Variants in PCMTD1 observed in about 807,000 individuals in gnomAD.
PCMTD1 encodes the protein protein-L-isoaspartate (D-aspartate) O-methyltransferase domain containing 1, also known as protein-L-isoaspartate O-methyltransferase domain-containing protein 1.
Under a neutral mutation model 37.6 loss-of-function variants are expected in PCMTD1, and 12 were observed. The observed-to-expected ratio is 0.32, with a 90% CI of 0.20 to 0.52. The LOEUF (loss-of-function observed/expected upper bound fraction) is 0.52. PCMTD1 is among the 20% of genes least tolerant of loss of function. PCMTD1 has a pLI of 0.97. For missense variants in PCMTD1, 235 were observed against 421.3 expected (o/e 0.56, Z 3.87); for synonymous variants, 117 against 135.8 (o/e 0.86, Z 0.96).
chr8:51,877,136 C>T (rs886680868), intron 1 of PCMTD1, among the ~76,000 whole-genome samples: 4 of 152,172 alleles, frequency 2.6e-5, no homozygotes, highest in Non-Finnish European at 4.4e-5. Flanking sequence ...ATTTTTTTAG[C>T]AAGGTCATTT....
chr8:51,889,270 C>CA (rs1227221794), intron 1 of PCMTD1, among the ~76,000 whole-genome samples: 1 of 152,146 alleles, frequency 6.6e-6, no homozygotes, highest in Non-Finnish European at 1.5e-5. Flanking sequence ...ATACGACTCA[C>CA]AAAATAATAT....
chr8:51,863,729 T>C (rs756393645), intron 1 of PCMTD1, among the ~76,000 whole-genome samples: 5 of 152,014 alleles, frequency 3.3e-5, no homozygotes, highest in Non-Finnish European at 7.4e-5. Context: ...CAAGACCAGC[T>C]TGGCCAACAT....
rs1431575777 is a variant in PCMTD1, at chr8:51,820,837, T to C, written c.707-119A>G. On this transcript the variant is annotated intron_variant, in intron 5 of 5. Coordinates refer to ENST00000522514, the MANE Select transcript of PCMTD1 (RefSeq NM_052937.4). ...CATATTTTAGAAAATACAGAAAATA[T>C]GAAAACTCTACCTTTCATCTAACAA... is the stretch of plus-strand genomic sequence containing the variant. 5 of 1,173,922 alleles carry C rather than the reference T, an allele frequency of 4.3e-6. No homozygotes were observed. The Admixed American group carries it at 1.5e-4, about 36-fold the overall frequency. 72.7% of individuals were successfully genotyped at this position (1,173,922 alleles called of 1,614,324 possible).
intron 2 of PCMTD1, among the ~76,000 whole-genome samples, chr8:51,850,632 C>T (rs1349010330): frequency 1.3e-5 from 2 of 152,120 alleles, no homozygotes; most frequent in Non-Finnish European, 2.9e-5. Context: ...AGTAAAGTAA[C>T]ATCAAGAGTT....
At chr8:51,867,535 GAA>G (rs2038574416) in intron 1 of PCMTD1, among the ~76,000 whole-genome samples, 1 of 149,480 alleles carries the variant, frequency 6.7e-6, no homozygotes, top group African/African-American at 2.5e-5. Flanking sequence ...GAATTTGAGA[GAA>G]AGAAGAAAAA....
At chr8:51,871,876 T>C (rs151113339) in intron 1 of PCMTD1, among the ~76,000 whole-genome samples, 6 of 152,322 alleles carry the variant, frequency 3.9e-5, no homozygotes, top group African/African-American at 1.2e-4. Context: ...TCCAATTCAA[T>C]ACTACATATA....
At chr8:51,885,908 G>A (rs1396977875) in intron 1 of PCMTD1, among the ~76,000 whole-genome samples, 1 of 152,164 alleles carries the variant, frequency 6.6e-6, no homozygotes, top group Non-Finnish European at 1.5e-5. Context: ...TGTAATTTGT[G>A]TTATCCAATG....
intron 1 of PCMTD1, among the ~76,000 whole-genome samples, chr8:51,861,706 G>C (rs985763149): frequency 6.9e-6 from 1 of 145,700 alleles, no homozygotes; most frequent in Admixed American, 6.8e-5. Context: ...TTTAGAGTCA[G>C]AAACCATGTT....
intron 2 of PCMTD1, among the ~76,000 whole-genome samples, chr8:51,859,333 G>A (rs926944810): frequency 6.6e-5 from 10 of 152,018 alleles, no homozygotes; most frequent in East Asian, 1.9e-4. Flanking sequence ...CAAAGAAACC[G>A]GTGATAGAAG....
chr8:51,878,921 T>C (rs767607203), intron 1 of PCMTD1, among the ~76,000 whole-genome samples: 1 of 152,114 alleles, frequency 6.6e-6, no homozygotes, highest in Non-Finnish European at 1.5e-5. Context: ...GCCCAGGAGT[T>C]CGAGACCAGC....
intron 1 of PCMTD1, among the ~76,000 whole-genome samples, chr8:51,897,004 T>G (rs1490643994): frequency 6.6e-6 from 1 of 152,168 alleles, no homozygotes; most frequent in Admixed American, 6.5e-5. Context: ...GAGCATATTA[T>G]TACCAAAAAT....
At chr8:51,869,371 G>C (rs1284738764) in intron 1 of PCMTD1, among the ~76,000 whole-genome samples, 1 of 152,052 alleles carries the variant, frequency 6.6e-6, no homozygotes, top group Non-Finnish European at 1.5e-5. Flanking sequence ...AGATAACTTT[G>C]CTGTATTGAT....
intron 1 of PCMTD1, among the ~76,000 whole-genome samples, chr8:51,885,314 C>G (rs1473576153): frequency 6.6e-6 from 1 of 152,188 alleles, no homozygotes; most frequent in Non-Finnish European, 1.5e-5. Flanking sequence ...CCTGTCACCA[C>G]ATTTTCTGTG....
At chr8:51,860,691 C>T (rs973611962) in intron 2 of PCMTD1, 154 bp downstream of exon 2, 2 of 634,788 alleles carry the variant, frequency 3.2e-6, no homozygotes, top group Admixed American at 6.2e-5. Context: ...AAGATTACTA[C>T]TACTTTGTGT....
intron 1 of PCMTD1, among the ~76,000 whole-genome samples, chr8:51,891,621 G>C (rs1349531075): frequency 6.9e-6 from 1 of 144,810 alleles, no homozygotes; most frequent in Non-Finnish European, 1.5e-5. Flanking sequence ...AAAATAAAGA[G>C]AATATATCAT....
At chr8:51,828,669 G>A (rs1162840713) in intron 5 of PCMTD1, among the ~76,000 whole-genome samples, 2 of 152,178 alleles carry the variant, frequency 1.3e-5, no homozygotes, top group African/African-American at 4.8e-5. Flanking sequence ...CAATATTTAT[G>A]ATTTACAATG....
intron 2 of PCMTD1, among the ~76,000 whole-genome samples, chr8:51,858,305 G>A (rs1288352866): frequency 1.2e-4 from 3 of 25,844 alleles, no homozygotes; most frequent in Non-Finnish European, 1.7e-4. Context: ...AGTACCCATA[G>A]GACCCACTGT....
chr8:51,842,307 T>A (rs1585802608), intron 3 of PCMTD1, among the ~76,000 whole-genome samples: 2 of 152,000 alleles, frequency 1.3e-5, no homozygotes, highest in East Asian at 3.9e-4. Context: ...AACACAGGAA[T>A]CAAGCTCTAT....
Position 51,817,910 on chromosome 8 carries a change from T to G in PCMTD1, c.*2441A>C, listed in dbSNP as rs1488492209. On this transcript the variant is annotated 3_prime_UTR_variant, in exon 6 of 6. Coordinates refer to ENST00000522514, the MANE Select transcript of PCMTD1 (RefSeq NM_052937.4). ...TTTCAGGCAAAACATGCCACGGTTCTAGGTCTGTTTTCTCATCTGCAAAAT... is the reference window on the plus strand; with the variant it reads ...TTTCAGGCAAAACATGCCACGGTTCGAGGTCTGTTTTCTCATCTGCAAAAT... 6.6e-6 allele frequency: 3 copies of G among 456,820 alleles called. No homozygotes were observed. The highest frequency in any genetic ancestry group is 1.3e-5 in the Non-Finnish European group (3 of 226,980). 28.3% of individuals were successfully genotyped at this position (456,820 alleles called of 1,614,324 possible). A position where few individuals can be genotyped will look rare whatever the true frequency, so the allele number is the denominator to read the frequency against.
Sources: allele counts gnomAD v4.1 joint callset (sites outside exome capture counted in the v4.1 genomes callset), GRCh38; gene constraint gnomAD v4.1.1; transcripts MANE v1.5; gene names NCBI Gene and HGNC (gene_info 2026-07-23, HGNC 2026-07-21).